HSPBAP1: variants seen among roughly 807,000 people sequenced by gnomAD.
HSPBAP1 encodes the protein HSPB1-associated protein 1.
HSPBAP1 carries 27 observed loss-of-function variants against 45.2 expected under a neutral mutation model. The observed-to-expected ratio is 0.60, with a 90% CI of 0.44 to 0.82. HSPBAP1 has a LOEUF of 0.82. Ranked by LOEUF, HSPBAP1 falls within the 40% of genes least tolerant of loss-of-function variation. HSPBAP1 has a pLI of 0.00. For synonymous variants in HSPBAP1, 204 were observed against 202.7 expected, an observed-to-expected ratio of 1.01 and a Z score of -0.06; for missense variants, 510 against 590.9, an observed-to-expected ratio of 0.86 and a Z score of 1.42.
chr3:122,759,224 C>A lies in HSPBAP1; in HGVS notation c.569G>T (p.Arg190Met), dbSNP rs752979282. 8 of 1,595,740 alleles carry A rather than the reference C, an allele frequency of 5.0e-6. No homozygotes were observed. The highest frequency in any genetic ancestry group is 8.5e-7 in the Non-Finnish European group (1 of 1,169,672). ...GCNLVFQVQG[R>M]KRWHLFPPED... is the part of the protein sequence containing the mutation. ...ACACACACACACACACACACATTAC[C>A]TTCCTTGTACCTGGAATACCAAGTT... Residue 190 changes from arginine to methionine, a missense_variant and splice_region_variant, in exon 4 of 8, where the codon AGG (arginine) becomes ATG (methionine). Physicochemically the swap from Arg to Met is moderately conservative, Grantham distance 91 (BLOSUM62 -1). Transcript: ENST00000306103.
intron 1 of HSPBAP1, among the ~76,000 whole-genome samples, chr3:122,785,016 C>G (rs1315521580): frequency 1.3e-5 from 2 of 152,126 alleles, no homozygotes; most frequent in African/African-American, 4.8e-5. Flanking sequence ...GGACTGGAAC[C>G]AGATTTATCA....
At position 122,740,441 on chromosome 3, in the gene HSPBAP1, T is replaced by G; in HGVS notation, c.1371A>C (p.Gln457His). ...GCAAGTCATCCGTAGAAATGAATGT[T>G]TGAGGAGTCGTAGTAGTATTTGAGG... Reference protein sequence around the residue: ...QIASNTTTTPQTFISTDDLLD... With the variant: ...QIASNTTTTPHTFISTDDLLD... The change falls in exon 8 of 8, where the codon CAA becomes CAC. Residue 457 changes from glutamine (Q) to histidine (H), a missense_variant. Transcript: ENST00000306103. The G allele has an allele frequency of 6.3e-7, 1 of 1,586,568 alleles. No individual in the cohort carries two copies. Among genetic ancestry groups the G allele is most frequent in the South Asian group, 1.1e-5 (1 of 90,560 alleles).
At chr3:122,767,405 C>T (rs954973374) in intron 3 of HSPBAP1, among the ~76,000 whole-genome samples, 4 of 152,020 alleles carry the variant, frequency 2.6e-5, no homozygotes, top group Non-Finnish European at 4.4e-5. Flanking sequence ...CTGGGCATGG[C>T]GGCAGTCACC....
rs16833517 is a variant in HSPBAP1, at chr3:122,777,781, A to C, written c.190T>G (p.Ser64Ala). The C allele has an allele frequency of 7.8e-3, 12,668 of 1,613,996 alleles. 812 individuals are homozygous for C. In the African/African-American group the frequency reaches 0.14, roughly 18 times the overall value. ...ATCTGCTTGCCATGAAGGACCTGCG[A>C]AAGGTATTTAGCATTCCAGTGTCGT... Reference protein sequence around the residue: ...PARHWNAKYLSQVLHGKQIRF... With the variant: ...PARHWNAKYLAQVLHGKQIRF... Residue 64 changes from serine (S) to alanine (A), a missense_variant, in exon 2 of 8, where the codon TCG (serine) becomes GCG (alanine). By Grantham distance (99) the Ser-to-Ala change is moderately conservative (BLOSUM62 1). Coordinates refer to ENST00000306103, the MANE Select transcript of HSPBAP1 (RefSeq NM_024610.6).
chr3:122,791,646 C>T (rs775412101), intron 1 of HSPBAP1, among the ~76,000 whole-genome samples: 3 of 152,172 alleles, frequency 2.0e-5, no homozygotes, highest in Admixed American at 6.5e-5. Flanking sequence ...CAAGAGAAAT[C>T]ACAGTGACTG....
rs777718684 is a variant in HSPBAP1 at position 122,777,809 on chromosome 3, T to TGGCCA, written c.157_161dup (p.Ala55GlyfsTer26). On this transcript the variant is annotated frameshift_variant, in exon 2 of 8. Coordinates refer to ENST00000306103, the MANE Select transcript of HSPBAP1 (RefSeq NM_024610.6). LOFTEE classifies it high-confidence loss of function. ...GGTATTTAGCATTCCAGTGTCGTGC[T>TGGCCA]GGCCAATCAAACACCATGTTACAGA... is the stretch of plus-strand genomic sequence containing the variant. The TGGCCA allele has an allele frequency of 1.1e-5, 17 of 1,613,916 alleles. No individual in the cohort carries two copies. Among genetic ancestry groups the TGGCCA allele is most frequent in the Non-Finnish European group, 1.4e-5 (16 of 1,179,896 alleles).
intron 5 of HSPBAP1, chr3:122,753,701 A>C (rs1444621561): frequency 4.1e-6 from 4 of 984,376 alleles, no homozygotes; most frequent in Non-Finnish European, 4.8e-6. Context: ...AGGACTGGGA[A>C]ATAGAAAGAG....
intron 3 of HSPBAP1, among the ~76,000 whole-genome samples, chr3:122,760,122 T>C (rs1180951613): frequency 6.6e-6 from 1 of 152,222 alleles, no homozygotes; most frequent in Non-Finnish European, 1.5e-5. Context: ...ACTCTCCATA[T>C]GCCTGGTTCT....
rs74936708 is a variant in HSPBAP1, at chr3:122,750,452, G to A, written c.825+2139C>T. On this transcript the variant is annotated intron_variant, in intron 6 of 7. Coordinates refer to ENST00000306103, the MANE Select transcript of HSPBAP1 (RefSeq NM_024610.6). ...TGCCTCCCTTAAGCCTTGTTATGAC[G>A]TCAGCATATTACCTGTCTAGATATA... 5.0e-3 allele frequency among the ~76,000 whole-genome samples: 768 copies of A among 152,220 alleles called. 15 individuals are homozygous for A. The highest frequency in any genetic ancestry group is 0.034 in the Admixed American group (524 of 15,274).
At chr3:122,743,438 T>C (rs575542284) in intron 6 of HSPBAP1, among the ~76,000 whole-genome samples, 2 of 152,274 alleles carry the variant, frequency 1.3e-5, no homozygotes, top group African/African-American at 4.8e-5. Flanking sequence ...TGGTGGTGCA[T>C]GCCTTTAATC....
intron 1 of HSPBAP1, among the ~76,000 whole-genome samples, chr3:122,789,864 CTT>C (rs368711372): frequency 1.7e-4 from 23 of 137,094 alleles, no homozygotes; most frequent in Admixed American, 2.9e-4. Context: ...GCCAAAGCTT[CTT>C]TTTTTTTTTT....
chr3:122,743,996 G>A (rs796545168), intron 6 of HSPBAP1, among the ~76,000 whole-genome samples: 5 of 152,186 alleles, frequency 3.3e-5, no homozygotes, highest in African/African-American at 1.2e-4. Flanking sequence ...CTGGGCAACA[G>A]AATGAGATTC....
rs536916666 is a variant in HSPBAP1 at position 122,748,633 on chromosome 3, A to T, written c.825+3958T>A. ...GAGGAAACAAGCACTTTCACATACTACTAATGGAAATGCAAAATGGCACAA... is the reference window on the plus strand; with the variant it reads ...GAGGAAACAAGCACTTTCACATACTTCTAATGGAAATGCAAAATGGCACAA... On this transcript the variant is annotated intron_variant, in intron 6 of 7. Transcript: ENST00000306103. 3.3e-5 allele frequency among the ~76,000 whole-genome samples: 5 copies of T among 152,342 alleles called. No individual in the cohort carries two copies. In the South Asian group the frequency reaches 1.0e-3, roughly 32 times the overall value.
intron 6 of HSPBAP1, among the ~76,000 whole-genome samples, chr3:122,746,102 T>C (rs545596601): frequency 6.6e-6 from 1 of 152,292 alleles, no homozygotes; most frequent in East Asian, 1.9e-4. Flanking sequence ...AAGGAGATAC[T>C]ACTGTATTTA....
intron 2 of HSPBAP1, 118 bp downstream of exon 2, chr3:122,777,603 G>A (rs1418700523): frequency 3.0e-6 from 2 of 672,162 alleles, no homozygotes; most frequent in African/African-American, 1.8e-5. Context: ...TGTATGTGCA[G>A]TGAATGGTCA....
At chr3:122,793,580 G>C in intron 1 of HSPBAP1, 37 bp downstream of exon 1, 2 of 1,602,512 alleles carry the variant, frequency 1.2e-6, no homozygotes, top group Non-Finnish European at 1.7e-6. Context: ...CTGGCATTGG[G>C]TTTGTACTCA....
intron 1 of HSPBAP1, among the ~76,000 whole-genome samples, chr3:122,780,724 G>A (rs1460500541): frequency 1.1e-4 from 17 of 150,996 alleles, no homozygotes; most frequent in African/African-American, 4.2e-4. Flanking sequence ...CAGACGGGGT[G>A]GCTGCCGGGC....
At chr3:122,759,591 A>G (rs964282912) in intron 3 of HSPBAP1, among the ~76,000 whole-genome samples, 2 of 152,260 alleles carry the variant, frequency 1.3e-5, no homozygotes, top group African/African-American at 2.4e-5. Context: ...TTTACTGACT[A>G]CTTACAACAT....
chr3:122,784,409 C>G (rs1935588058), intron 1 of HSPBAP1, among the ~76,000 whole-genome samples: 1 of 152,066 alleles, frequency 6.6e-6, no homozygotes. Flanking sequence ...ATGTCTACTA[C>G]CACACTATAA....
Sources: allele counts gnomAD v4.1 joint callset (sites outside exome capture counted in the v4.1 genomes callset), GRCh38; gene constraint gnomAD v4.1.1; transcripts MANE v1.5; gene names NCBI Gene and HGNC (gene_info 2026-07-23, HGNC 2026-07-21).